UBE2O: variants seen among roughly 807,000 people sequenced by gnomAD.
UBE2O encodes the protein (E3-independent) E2 ubiquitin-conjugating enzyme.
Under a neutral mutation model 125.8 loss-of-function variants are expected in UBE2O, and 15 were observed. That is an observed-to-expected ratio of 0.12 (90% CI 0.08 to 0.18). The LOEUF is 0.18. UBE2O is among the 10% of genes least tolerant of loss of function. The probability of loss-of-function intolerance (pLI) is 1.00; values close to 1 mark genes in which losing one functional copy is unlikely to be tolerated. For synonymous variants in UBE2O, 708 were observed against 703.2 expected (o/e 1.01, Z -0.11); for missense variants, 1,280 against 1,723.6 (o/e 0.74, Z 4.56).
intron 1 of UBE2O, among the ~76,000 whole-genome samples, chr17:76,440,876 G>A (rs1419606505): frequency 6.6e-6 from 1 of 152,206 alleles, no homozygotes; most frequent in Non-Finnish European, 1.5e-5. Flanking sequence ...TTTATCATCT[G>A]GCCCTTTACA....
Position 76,396,907 on chromosome 17 carries a change from G to C in UBE2O, c.2116-86C>G. On this transcript the variant is annotated intron_variant, in intron 13 of 17. Transcript: ENST00000319380. This position sits in a 1 kb window ranked among gnomAD's most constrained non-coding sequence, Gnocchi z 6.7. ...GAGGAGCTCTGGGGATCCCTGATCC[G>C]CACAGCTGATGGCGACTGGGCTCAT... 3.3e-6 allele frequency: 4 copies of C among 1,215,808 alleles called. No homozygotes were observed. The highest frequency in any genetic ancestry group is 1.5e-5 in the South Asian group (1 of 68,078). The allele number at this position is 1,215,808 out of a possible 1,614,324, so 75.3% of individuals were successfully genotyped here.
intron 1 of UBE2O, among the ~76,000 whole-genome samples, chr17:76,450,082 C>CAAAAAAAAAAAAAAAAAAAAAAA (rs59424179): frequency 7.1e-6 from 1 of 140,252 alleles, no homozygotes; most frequent in Non-Finnish European, 1.6e-5. Flanking sequence ...ACCAGTAACT[C>CAAAAAAAAAAAAAAAAAAAAAAA]AAAAAAAAAA....
intron 1 of UBE2O, among the ~76,000 whole-genome samples, chr17:76,433,730 G>C (rs1197726747): frequency 6.6e-6 from 1 of 151,608 alleles, no homozygotes; most frequent in African/African-American, 2.4e-5. Flanking sequence ...AAAAAAGAGA[G>C]AGAGAGATGG....
In UBE2O at chr17:76,392,128, A is replaced by C; in HGVS notation, c.2947-15T>G. 2 of 394,570 alleles carry C rather than the reference A, an allele frequency of 5.1e-6. No individual in the cohort carries two copies. The highest frequency in any genetic ancestry group is 9.9e-6 in the Non-Finnish European group (2 of 202,828). 24.4% of individuals were successfully genotyped at this position (394,570 alleles called of 1,614,324 possible). A position where few individuals can be genotyped will look rare whatever the true frequency, so the allele number is the denominator to read the frequency against. On this transcript the variant is annotated splice_polypyrimidine_tract_variant and intron_variant, in intron 15 of 17. Coordinates refer to ENST00000319380, the MANE Select transcript of UBE2O (RefSeq NM_022066.4). ...GAGAAGAGGTCCTAGGTAGGGAGGG[A>C]GGGAGGGAGGCCAAGGTTGGCAGGG... is the stretch of plus-strand genomic sequence containing the variant.
chr17:76,435,476 CA>C (rs1357202091), intron 1 of UBE2O, among the ~76,000 whole-genome samples: 11 of 150,308 alleles, frequency 7.3e-5, no homozygotes, highest in African/African-American at 2.7e-4. Context: ...ATTTAGTTTT[CA>C]GGTTGGCCTT....
Position 76,395,518 on chromosome 17 carries a change from G to T in UBE2O, c.2946+207C>A. 1 of 531,788 alleles carries T rather than the reference G, an allele frequency of 1.9e-6. No homozygotes were observed. Among genetic ancestry groups the T allele is most frequent in the Non-Finnish European group, 3.2e-6 (1 of 309,420 alleles). The allele number at this position is 531,788 out of a possible 1,614,324, so 32.9% of individuals were successfully genotyped here. A position where few individuals can be genotyped will look rare whatever the true frequency, so the allele number is the denominator to read the frequency against. On this transcript the variant is annotated intron_variant, in intron 15 of 17. Coordinates refer to ENST00000319380, the MANE Select transcript of UBE2O (RefSeq NM_022066.4). The surrounding 1 kb of genome is among the most constrained non-coding windows in gnomAD (Gnocchi z 5.0). ...AGAAAGTAATTTTTTAAAGGAGGGAGGAAAGAAAGAACCATCTGGCCTGGA... is the reference window on the plus strand; with the variant it reads ...AGAAAGTAATTTTTTAAAGGAGGGATGAAAGAAAGAACCATCTGGCCTGGA...
At position 76,390,592 on chromosome 17, in the gene UBE2O, G is replaced by A. The variant is rs1339496023; in HGVS notation, c.*351C>T. On this transcript the variant is annotated 3_prime_UTR_variant, in exon 18 of 18. Transcript: ENST00000319380. ...CTCTCCTGCGGGTCTGCAGGGAACCGGCCCAGAGAGCCCCGCGGCAGGCCC... is the reference window on the plus strand; with the variant it reads ...CTCTCCTGCGGGTCTGCAGGGAACCAGCCCAGAGAGCCCCGCGGCAGGCCC... 1.8e-5 allele frequency: 4 copies of A among 221,234 alleles called. No homozygotes were observed. Among genetic ancestry groups the A allele is most frequent in the African/African-American group, 4.6e-5 (2 of 43,388 alleles). 13.7% of individuals were successfully genotyped at this position (221,234 alleles called of 1,614,324 possible).
intron 1 of UBE2O, among the ~76,000 whole-genome samples, chr17:76,447,156 C>T (rs991664377): frequency 2.4e-4 from 37 of 152,332 alleles, no homozygotes; most frequent in African/African-American, 8.7e-4. Flanking sequence ...TAATGCCAAC[C>T]ACAAGGCTTG....
At chr17:76,436,559 G>A (rs2073001323) in intron 1 of UBE2O, among the ~76,000 whole-genome samples, 1 of 152,058 alleles carries the variant, frequency 6.6e-6, no homozygotes, top group Non-Finnish European at 1.5e-5. Context: ...GAATCCCCGA[G>A]AGCCTAGACG....
At position 76,398,967 on chromosome 17, in the gene UBE2O, C is replaced by T. The variant is rs779667761; in HGVS notation, c.1653G>A (p.Thr551=). 42 of 1,614,000 alleles carry T rather than the reference C, an allele frequency of 2.6e-5. 1 individual carries two copies. The East Asian group carries it at 6.9e-4, about 27-fold the overall frequency. ...GDRVAVEVVT[T]MTSADVMWQD... is the part of the protein sequence containing the mutation. Reference sequence around the variant, plus strand: ...GCCACATCACGTCGGCTGAGGTCATCGTGGTCACCACCTCCACTGCCACCC... The same window carrying T: ...GCCACATCACGTCGGCTGAGGTCATTGTGGTCACCACCTCCACTGCCACCC... The change falls in exon 10 of 18, where the codon ACG becomes ACA. Residue 551 remains threonine (T), a synonymous_variant. Transcript: ENST00000319380. This position sits in a 1 kb window ranked among gnomAD's most constrained non-coding sequence, Gnocchi z 5.4.
At chr17:76,426,605 T>TA (rs1165049321) in intron 1 of UBE2O, among the ~76,000 whole-genome samples, 5 of 152,208 alleles carry the variant, frequency 3.3e-5, no homozygotes, top group Admixed American at 2.6e-4. Flanking sequence ...TGGTTACCCT[T>TA]AAAATTGGAA....
intron 1 of UBE2O, among the ~76,000 whole-genome samples, chr17:76,412,669 C>G (rs1249512185): frequency 6.6e-6 from 1 of 152,166 alleles, no homozygotes; most frequent in East Asian, 1.9e-4. Context: ...CACTATAGTT[C>G]AAGACAGGGG....
chr17:76,399,032 C>A lies in UBE2O; in HGVS notation c.1629-41G>T. ...AGTCAGCAGGCCATGCAAACCCCAC[C>A]CCCTCCGCGGAAAGGGCAGAGAGTC... is the stretch of plus-strand genomic sequence containing the variant. On this transcript the variant is annotated intron_variant, in intron 9 of 17. Coordinates refer to ENST00000319380, the MANE Select transcript of UBE2O (RefSeq NM_022066.4). This position sits in a 1 kb window ranked among gnomAD's most constrained non-coding sequence, Gnocchi z 6.9. The A allele has an allele frequency of 6.2e-7, 1 of 1,604,346 alleles. No homozygotes were observed. Among genetic ancestry groups the A allele is most frequent in the Non-Finnish European group, 8.5e-7 (1 of 1,175,908 alleles).
rs116077227 is a variant in UBE2O at position 76,395,640 on chromosome 17, G to C, written c.2946+85C>G. 1.3e-6 allele frequency: 2 copies of C among 1,514,618 alleles called. No homozygotes were observed. Among genetic ancestry groups the C allele is most frequent in the Non-Finnish European group, 1.8e-6 (2 of 1,129,814 alleles). The allele number at this position is 1,514,618 out of a possible 1,614,324, so 93.8% of individuals were successfully genotyped here. Reference sequence around the variant, plus strand: ...CTCGCAGGTGCCAGTCAGCCCCGGAGGTTTGGGGACCCAAGGTTGGTGGCC... The same window carrying C: ...CTCGCAGGTGCCAGTCAGCCCCGGACGTTTGGGGACCCAAGGTTGGTGGCC... On this transcript the variant is annotated intron_variant, in intron 15 of 17. Transcript: ENST00000319380. The surrounding 1 kb of genome is among the most constrained non-coding windows in gnomAD (Gnocchi z 5.0).
Position 76,396,708 on chromosome 17 carries a change from C to G in UBE2O, c.2229G>C (p.Thr743=), listed in dbSNP as rs200167973. The G allele has an allele frequency of 1.9e-6, 3 of 1,613,992 alleles. No individual in the cohort carries two copies. The African/African-American group carries it at 4.0e-5, about 22-fold the overall frequency. Residue 743 remains threonine (T), a synonymous_variant, in exon 14 of 18, where the codon ACG becomes ACC. Transcript: ENST00000319380. The surrounding 1 kb of genome is among the most constrained non-coding windows in gnomAD (Gnocchi z 6.7). The part of the protein sequence containing the change: ...EWEDDSDSWE[T]DNGLVEDEHP... The stretch of plus-strand genomic sequence containing the variant: ...GCTCGTCCTCCACCAGCCCATTGTC[C>G]GTCTCCCAGCTGTCACTATCATCTT...
In UBE2O at chr17:76,399,385, G is replaced by T; in HGVS notation, c.1628+64C>A. Reference sequence around the variant, plus strand: ...TGCGAGCGCAGGCACGCACACCGAGGGGACGCGCACTCTGCCTGGCTTCAC... The same window carrying T: ...TGCGAGCGCAGGCACGCACACCGAGTGGACGCGCACTCTGCCTGGCTTCAC... On this transcript the variant is annotated intron_variant, in intron 9 of 17. Transcript: ENST00000319380. This position sits in a 1 kb window ranked among gnomAD's most constrained non-coding sequence, Gnocchi z 6.9. 1 of 1,494,886 alleles carries T rather than the reference G, an allele frequency of 6.7e-7. No individual in the cohort carries two copies. The highest frequency in any genetic ancestry group is 9.2e-7 in the Non-Finnish European group (1 of 1,085,564). 92.6% of individuals were successfully genotyped at this position (1,494,886 alleles called of 1,614,324 possible). A position where few individuals can be genotyped will look rare whatever the true frequency, so the allele number is the denominator to read the frequency against.
chr17:76,416,736 T>C (rs4550478), intron 1 of UBE2O, among the ~76,000 whole-genome samples: 80,291 of 151,600 alleles, frequency 0.53, 23,226 homozygotes, highest in South Asian at 0.67. Context: ...ATGTCACTTC[T>C]TGGCTGGGTC....
Position 76,405,240 on chromosome 17 carries a change from T to A in UBE2O, c.554A>T (p.Tyr185Phe). The change falls in exon 3 of 18, where the codon TAT becomes TTT. Residue 185 changes from tyrosine (Y) to phenylalanine (F), a missense_variant. Physicochemically the swap from Tyr to Phe is conservative, Grantham distance 22 (BLOSUM62 3). This residue lies in a region of UBE2O where 206 missense variants were observed against 315.7 expected (regional missense o/e 0.65). Transcript: ENST00000319380. The surrounding 1 kb of genome is among the most constrained non-coding windows in gnomAD (Gnocchi z 6.1). ...CTGCAGGTCCTTGCTGTTGACGGGA[T>A]AGATGATGCAGTTGGTGCCGATGAG... ...VKLIGTNCII[Y>F]PVNSKDLQHI... 1.2e-6 allele frequency: 2 copies of A among 1,613,060 alleles called. No homozygotes were observed. Among genetic ancestry groups the A allele is most frequent in the Non-Finnish European group, 1.7e-6 (2 of 1,179,394 alleles).
rs34471769 is a variant in UBE2O, at chr17:76,399,652, C to G, written c.1425G>C (p.Ser475=). 3 of 1,614,160 alleles carry G rather than the reference C, an allele frequency of 1.9e-6. No individual in the cohort carries two copies. The highest frequency in any genetic ancestry group is 3.3e-4 in the Middle Eastern group (2 of 6,062). ...CCTCATCATCTGCGTCCTGCTCTGC[C>G]GAGTGCAGCCTGTCATCTCTGCCTT... ...LKEGRDDRLH[S]AEQDADDEAA... Residue 475 remains serine, a synonymous_variant, in exon 9 of 18, where the codon TCG becomes TCC. Coordinates refer to ENST00000319380, the MANE Select transcript of UBE2O (RefSeq NM_022066.4). This position sits in a 1 kb window ranked among gnomAD's most constrained non-coding sequence, Gnocchi z 6.9.
Sources: allele counts gnomAD v4.1 joint callset (sites outside exome capture counted in the v4.1 genomes callset), GRCh38; gene constraint gnomAD v4.1.1; regional missense constraint gnomAD v4.1.1; non-coding constraint Gnocchi (gnomAD v3.1); transcripts MANE v1.5; gene names NCBI Gene and HGNC (gene_info 2026-07-23, HGNC 2026-07-21).